STEAP3: variants seen among roughly 807,000 people sequenced by gnomAD.
The protein encoded by STEAP3 is metalloreductase STEAP3.
In STEAP3, 35 loss-of-function variants were observed where a neutral mutation model predicts 34.9. That is an observed-to-expected ratio of 1.00 (90% CI 0.76 to 1.33). The LOEUF (loss-of-function observed/expected upper bound fraction) is 1.33, where lower values mean the gene tolerates loss of function less well. Ranked by LOEUF, STEAP3 falls within the 40% of genes most tolerant of loss-of-function variation. The probability of loss-of-function intolerance (pLI) is 0.00; values close to 1 mark genes in which losing one functional copy is unlikely to be tolerated. For missense variants in STEAP3, 652 were observed against 667.6 expected (o/e 0.98, Z 0.26); for synonymous variants, 281 against 301.6 (o/e 0.93, Z 0.71).
At chr2:119,245,295 T>C in intron 2 of STEAP3, 194 bp from the exon 3 acceptor site, 1 of 691,802 alleles carries the variant, frequency 1.4e-6, no homozygotes, top group Non-Finnish European at 2.3e-6. Flanking sequence ...TCTTCCTGAG[T>C]CTGTGCTCTC....
chr2:119,241,066 G>GCA (rs57477540), intron 2 of STEAP3, among the ~76,000 whole-genome samples: 19,908 of 149,696 alleles, frequency 0.13, 2,370 homozygotes, highest in African/African-American at 0.32. Flanking sequence ...TAGGACACGT[G>GCA]CACACACACA....
At position 119,230,682 on chromosome 2, in the gene STEAP3, C is replaced by G; in HGVS notation, c.-331C>G. 1 of 446,170 alleles carries G rather than the reference C, an allele frequency of 2.2e-6. No homozygotes were observed. Among genetic ancestry groups the G allele is most frequent in the Non-Finnish European group, 4.1e-6 (1 of 241,000 alleles). The allele number at this position is 446,170 out of a possible 1,614,324, so 27.6% of individuals were successfully genotyped here. ...GGTCGTCCCACCTCAGTTCCTGTAGCAAAGAGACTTGAGTCTGAGCCACTA... is the reference window on the plus strand; with the variant it reads ...GGTCGTCCCACCTCAGTTCCTGTAGGAAAGAGACTTGAGTCTGAGCCACTA... On this transcript the variant is annotated 5_prime_UTR_variant, in exon 2 of 6. Coordinates refer to ENST00000393110, the MANE Select transcript of STEAP3 (RefSeq NM_182915.3).
chr2:119,245,316 G>A (rs1350882877), intron 2 of STEAP3, 173 bp from the exon 3 acceptor site: 14 of 868,540 alleles, frequency 1.6e-5, no homozygotes, highest in Admixed American at 5.1e-5. Flanking sequence ...CCCAGGGAAG[G>A]GGCTGTGTTG....
At chr2:119,239,378 C>T (rs1417468443) in intron 2 of STEAP3, 1 of 152,744 alleles carries the variant, frequency 6.5e-6, no homozygotes, top group Non-Finnish European at 1.5e-5. Flanking sequence ...AGCGATTCTC[C>T]TGCTTCAGCC....
At chr2:119,236,845 A>G (rs554834022) in intron 2 of STEAP3, among the ~76,000 whole-genome samples, 1 of 152,254 alleles carries the variant, frequency 6.6e-6, no homozygotes, top group South Asian at 2.1e-4. Flanking sequence ...TGGCACACAC[A>G]CATCATCCCC....
Position 119,261,248 on chromosome 2 carries a change from G to A in STEAP3, c.1216-1809G>A, listed in dbSNP as rs1175659493. Among the ~76,000 whole-genome samples, 8 of 152,098 alleles carry A rather than the reference G, an allele frequency of 5.3e-5. No homozygotes were observed. In the East Asian group the frequency reaches 9.6e-4, roughly 18 times the overall value. ...TCTGAGGGGAGTGCAAATGAGAAGC[G>A]TCTGTCAGCCGAGGCTCTGGATTGA... On this transcript the variant is annotated intron_variant, in intron 5 of 5. Transcript: ENST00000393110.
chr2:119,229,308 A>T (rs1326069994), intron 1 of STEAP3, among the ~76,000 whole-genome samples: 4 of 152,064 alleles, frequency 2.6e-5, no homozygotes, highest in Non-Finnish European at 5.9e-5. Context: ...ACACCCAGCT[A>T]ATTTTTGTAT....
At chr2:119,250,864 C>T (rs1382516882) in intron 4 of STEAP3, among the ~76,000 whole-genome samples, 1 of 152,200 alleles carries the variant, frequency 6.6e-6, no homozygotes, top group African/African-American at 2.4e-5. Context: ...GTGAGGTTGC[C>T]AGGCAACCAT....
intron 2 of STEAP3, among the ~76,000 whole-genome samples, chr2:119,235,604 A>C (rs1017404449): frequency 6.6e-6 from 1 of 152,246 alleles, no homozygotes; most frequent in Admixed American, 6.5e-5. Context: ...GGTGACCCTG[A>C]TGCAGCTCAA....
At position 119,248,206 on chromosome 2, in the gene STEAP3, G is replaced by T. The variant is rs767736810; in HGVS notation, c.1050G>T (p.Gln350His). 2 of 1,577,672 alleles carry T rather than the reference G, an allele frequency of 1.3e-6. No individual in the cohort carries two copies. The highest frequency in any genetic ancestry group is 1.7e-6 in the Non-Finnish European group (2 of 1,160,326). ...ACCTGGTCAACCTGGCAGTCAAGCAGGTACCCACCCCATGCCCTTCCTCCC... is the reference window on the plus strand; with the variant it reads ...ACCTGGTCAACCTGGCAGTCAAGCATGTACCCACCCCATGCCCTTCCTCCC... Reference protein sequence around the residue: ...RYDLVNLAVKQVLANKSHLWV... With the variant: ...RYDLVNLAVKHVLANKSHLWV... Residue 350 changes from glutamine to histidine, a missense_variant and splice_region_variant, in exon 4 of 6, where the codon CAG becomes CAT. By Grantham distance (24) the Gln-to-His change is conservative (BLOSUM62 0). Coordinates refer to ENST00000393110, the MANE Select transcript of STEAP3 (RefSeq NM_182915.3).
At chr2:119,260,749 T>C (rs2104850613) in intron 5 of STEAP3, among the ~76,000 whole-genome samples, 1 of 152,360 alleles carries the variant, frequency 6.6e-6, no homozygotes. Context: ...GATTTGCTTA[T>C]GTGCAACTGA....
At chr2:119,252,414 G>A (rs1429479794) in intron 4 of STEAP3, among the ~76,000 whole-genome samples, 1 of 152,178 alleles carries the variant, frequency 6.6e-6, no homozygotes, top group Admixed American at 6.5e-5. Flanking sequence ...GGCAGGCAGT[G>A]AGTTGGTACC....
rs755099329 is a variant in STEAP3 at position 119,263,075 on chromosome 2, G to T, written c.1234G>T (p.Ala412Ser). Residue 412 changes from alanine (A) to serine (S), a missense_variant, in exon 6 of 6, where the codon GCC becomes TCC. By Grantham distance (99) the Ala-to-Ser change is moderately conservative. Transcript: ENST00000393110. ...TCCACAGTCCTCACTGGGCTTTGTG[G>T]CCCTCGTGCTGAGCACACTGCACAC... ...SFVQSSLGFVALVLSTLHTLT... is the reference protein window; with the variant it reads ...SFVQSSLGFVSLVLSTLHTLT... 5.6e-6 allele frequency: 9 copies of T among 1,607,054 alleles called. No homozygotes were observed. Among genetic ancestry groups the T allele is most frequent in the Non-Finnish European group, 6.8e-6 (8 of 1,179,924 alleles).
intron 2 of STEAP3, chr2:119,244,787 G>GTCCTGCCCT (rs1677357360): frequency 6.6e-6 from 1 of 152,156 alleles, no homozygotes; most frequent in Non-Finnish European, 1.5e-5. Context: ...CTTGGGCTCA[G>GTCCTGCCCT]CAAAGAAGAT....
chr2:119,229,786 A>G (rs1679158483), intron 1 of STEAP3, among the ~76,000 whole-genome samples: 1 of 151,852 alleles, frequency 6.6e-6, no homozygotes, highest in African/African-American at 2.4e-5. Flanking sequence ...TTGGAGATGG[A>G]AAGAATGCCA....
At chr2:119,243,372 C>T (rs1308384067) in intron 2 of STEAP3, among the ~76,000 whole-genome samples, 4 of 152,214 alleles carry the variant, frequency 2.6e-5, no homozygotes, top group African/African-American at 9.6e-5. Context: ...TCATTGTTCT[C>T]TGTCTGGGCA....
intron 1 of STEAP3, among the ~76,000 whole-genome samples, chr2:119,224,769 G>A (rs1423823062): frequency 6.6e-6 from 1 of 152,182 alleles, no homozygotes; most frequent in Non-Finnish European, 1.5e-5. Context: ...TCAGAGTGCA[G>A]CCATAATATA....
At chr2:119,239,463 T>C (rs864505) in intron 2 of STEAP3, 51,940 of 152,124 alleles carry the variant, frequency 0.34, 10,029 homozygotes, top group Non-Finnish European at 0.45. Context: ...AGATGGGGTA[T>C]CACCATGTTG....
At chr2:119,225,470 G>A (rs556279393) in intron 1 of STEAP3, among the ~76,000 whole-genome samples, 4 of 152,228 alleles carry the variant, frequency 2.6e-5, no homozygotes, top group Non-Finnish European at 4.4e-5. Flanking sequence ...CCTGCCCCAG[G>A]TTTGCTGAGG....
Sources: gnomAD v4.1 joint callset for allele counts (sites outside exome capture counted in the v4.1 genomes callset) on GRCh38, gnomAD v4.1.1 for gene constraint, MANE v1.5 for transcripts, NCBI Gene and HGNC (gene_info 2026-07-23, HGNC 2026-07-21) for gene names.